CSMD3: variants seen among roughly 807,000 people sequenced by gnomAD.
The protein encoded by CSMD3 is CUB and Sushi multiple domains 3.
CSMD3 carries 177 observed loss-of-function variants against 435.2 expected under a neutral mutation model. The ratio of observed to expected loss-of-function variants is 0.41; its 90% CI spans 0.36 to 0.46. The LOEUF (loss-of-function observed/expected upper bound fraction) is 0.46, where lower values mean the gene tolerates loss of function less well. Among genes scored for constraint, CSMD3 ranks in the 20% least tolerant of loss-of-function variants. CSMD3 has a pLI of 0.34. For missense variants in CSMD3, 4,265 were observed against 4,504.6 expected (o/e 0.95, Z 1.52); for synonymous variants, 1,656 against 1,520.5 (o/e 1.09, Z -2.07).
At chr8:113,091,898 G>T (rs2090015601) in intron 5 of CSMD3, among the ~76,000 whole-genome samples, 1 of 151,338 alleles carries the variant, frequency 6.6e-6, no homozygotes, top group African/African-American at 2.4e-5. Flanking sequence ...TTTCTTTTTT[G>T]ATGTAGGCAC....
chr8:113,091,584 T>C (rs577065493), intron 5 of CSMD3, among the ~76,000 whole-genome samples: 1 of 152,038 alleles, frequency 6.6e-6, no homozygotes, highest in Non-Finnish European at 1.5e-5. Context: ...CCACTGATGA[T>C]TTTTTGAGTT....
intron 67 of CSMD3, among the ~76,000 whole-genome samples, chr8:112,236,831 T>C (rs989016435): frequency 6.6e-5 from 10 of 152,186 alleles, no homozygotes; most frequent in Non-Finnish European, 1.3e-4. Flanking sequence ...AATAGCTTTG[T>C]GGCCACAGAA....
intron 27 of CSMD3, among the ~76,000 whole-genome samples, chr8:112,531,766 G>T (rs1825561819): frequency 6.6e-6 from 1 of 152,146 alleles, no homozygotes; most frequent in African/African-American, 2.4e-5. Flanking sequence ...AACAAGGCCA[G>T]ATTGTGAAAA....
In CSMD3 at chr8:112,341,534, A is replaced by C; in HGVS notation, c.6595T>G (p.Leu2199Val). The change falls in exon 42 of 71, where the codon TTA becomes GTA. Residue 2199 changes from leucine (L) to valine (V), a missense_variant. Coordinates refer to ENST00000297405, the MANE Select transcript of CSMD3 (RefSeq NM_198123.2). The part of the protein sequence containing the change: ...SLFSTTHETS[L>V]YFHSDYSQNK... Reference sequence around the variant, plus strand: ...TGTGAATAGTCACTGTGAAAATATAAGCTGGTTTCATGGGTGGTGCTGAAT... The same window carrying C: ...TGTGAATAGTCACTGTGAAAATATACGCTGGTTTCATGGGTGGTGCTGAAT... The C allele has an allele frequency of 6.2e-7, 1 of 1,613,464 alleles. No homozygotes were observed. Among genetic ancestry groups the C allele is most frequent in the Non-Finnish European group, 8.5e-7 (1 of 1,179,470 alleles).
chr8:112,526,948 G>A lies in CSMD3; in HGVS notation c.4565-9723C>T, dbSNP rs952405837. 4.6e-5 allele frequency among the ~76,000 whole-genome samples: 7 copies of A among 151,750 alleles called. No homozygotes were observed. In the East Asian group the frequency reaches 5.8e-4, roughly 13 times the overall value. On this transcript the variant is annotated intron_variant, in intron 27 of 70. Coordinates refer to ENST00000297405, the MANE Select transcript of CSMD3 (RefSeq NM_198123.2). ...AGGTTTTCATAAGCCAAAGATACAC[G>A]TTACAAGAGTTAGAGCAAATGCTTT... is the stretch of plus-strand genomic sequence containing the variant.
At chr8:113,249,444 G>C (rs546877426) in intron 3 of CSMD3, among the ~76,000 whole-genome samples, 3 of 151,894 alleles carry the variant, frequency 2.0e-5, no homozygotes, top group African/African-American at 7.3e-5. Flanking sequence ...ACAAGTTTTA[G>C]ATAGTAGTTA....
At chr8:112,626,542 A>C (rs1225916123) in intron 22 of CSMD3, among the ~76,000 whole-genome samples, 1 of 145,508 alleles carries the variant, frequency 6.9e-6, no homozygotes, top group Non-Finnish European at 1.6e-5. Context: ...CATGGATTTT[A>C]TTTTTAAAAA....
At chr8:112,953,870 T>A (rs535001190) in intron 8 of CSMD3, among the ~76,000 whole-genome samples, 20 of 151,556 alleles carry the variant, frequency 1.3e-4, no homozygotes, top group African/African-American at 4.8e-4. Flanking sequence ...AGTAACAACA[T>A]GTATGAAATT....
intron 38 of CSMD3, among the ~76,000 whole-genome samples, chr8:112,376,219 T>A (rs576131808): frequency 9.8e-5 from 15 of 152,308 alleles, no homozygotes; most frequent in Non-Finnish European, 1.9e-4. Context: ...TCTTTCTGAA[T>A]CTTCTACTAG....
intron 38 of CSMD3, among the ~76,000 whole-genome samples, chr8:112,360,187 C>G (rs1441714793): frequency 6.6e-6 from 1 of 151,958 alleles, no homozygotes; most frequent in Non-Finnish European, 1.5e-5. Context: ...CCAGTAAGGA[C>G]ATTCTTGCAA....
At chr8:113,177,023 C>T (rs1461301602) in intron 3 of CSMD3, among the ~76,000 whole-genome samples, 1 of 151,154 alleles carries the variant, frequency 6.6e-6, no homozygotes, top group African/African-American at 2.4e-5. Flanking sequence ...GATGATATTG[C>T]TTAAAATACA....
intron 3 of CSMD3, among the ~76,000 whole-genome samples, chr8:113,218,946 T>C (rs1284557581): frequency 6.6e-6 from 1 of 151,324 alleles, no homozygotes; most frequent in Non-Finnish European, 1.5e-5. Context: ...CAATTCAAGA[T>C]GAGATTTGGA....
chr8:112,377,970 T>C (rs1829107915), intron 38 of CSMD3, among the ~76,000 whole-genome samples: 1 of 152,122 alleles, frequency 6.6e-6, no homozygotes, highest in African/African-American at 2.4e-5. Flanking sequence ...CCACTTCTAA[T>C]CAAAATACTA....
intron 7 of CSMD3, among the ~76,000 whole-genome samples, chr8:112,959,857 G>A (rs1202069297): frequency 6.6e-6 from 1 of 151,870 alleles, no homozygotes; most frequent in African/African-American, 2.4e-5. Context: ...GGAGGTTAAA[G>A]TAATATTAAA....
intron 18 of CSMD3, 36 bp downstream of exon 18, chr8:112,656,118 A>C (rs768149071): frequency 2.2e-5 from 25 of 1,130,238 alleles, no homozygotes; most frequent in Non-Finnish European, 3.4e-5. Flanking sequence ...TAGGGCAAAC[A>C]GAATGAGGAA....
chr8:113,317,476 T>C (rs1447811634), intron 1 of CSMD3, among the ~76,000 whole-genome samples: 2 of 152,228 alleles, frequency 1.3e-5, no homozygotes, highest in Non-Finnish European at 2.9e-5. Flanking sequence ...TGCTGATTCA[T>C]GGATTTCGAG....
chr8:112,817,967 T>C (rs982267183), intron 12 of CSMD3, among the ~76,000 whole-genome samples: 7 of 151,864 alleles, frequency 4.6e-5, no homozygotes, highest in Non-Finnish European at 8.8e-5. Flanking sequence ...AGTTAGCAAA[T>C]TACAAAAAAA....
intron 12 of CSMD3, among the ~76,000 whole-genome samples, chr8:112,811,860 T>C (rs957860396): frequency 1.4e-4 from 21 of 152,308 alleles, no homozygotes; most frequent in African/African-American, 4.1e-4. Context: ...GTATAAAACC[T>C]CAATGGCCAG....
intron 3 of CSMD3, among the ~76,000 whole-genome samples, chr8:113,257,773 C>T (rs1029205556): frequency 2.2e-4 from 34 of 152,186 alleles, no homozygotes; most frequent in Admixed American, 7.2e-4. Context: ...TAAAGCATCT[C>T]ACACTGTATC....
Sources: gnomAD v4.1 joint callset for allele counts (sites outside exome capture counted in the v4.1 genomes callset) on GRCh38, gnomAD v4.1.1 for gene constraint, MANE v1.5 for transcripts, NCBI Gene and HGNC (gene_info 2026-07-23, HGNC 2026-07-21) for gene names.